UBAC2: variants seen among roughly 807,000 people sequenced by gnomAD.
UBAC2 encodes ubiquitin-associated domain-containing protein 2.
Under a neutral mutation model 44.0 loss-of-function variants are expected in UBAC2, and 26 were observed. The ratio of observed to expected loss-of-function variants is 0.59; its 90% confidence interval spans 0.43 to 0.82. The LOEUF (loss-of-function observed/expected upper bound fraction) is 0.82, where lower values mean the gene tolerates loss of function less well. UBAC2 is among the 40% of genes least tolerant of loss of function. The pLI is 0.00. For missense variants in UBAC2, 329 were observed against 419.4 expected, an observed-to-expected ratio of 0.78 and a Z score of 1.88; for synonymous variants, 155 against 154.3, an observed-to-expected ratio of 1.00 and a Z score of -0.04.
intron 1 of UBAC2, among the ~76,000 whole-genome samples, chr13:99,229,955 A>G (rs1035173337): frequency 6.6e-6 from 1 of 152,186 alleles, no homozygotes; most frequent in Non-Finnish European, 1.5e-5. Flanking sequence ...TATGGGGAGT[A>G]TCTATCTTAA....
At chr13:99,372,020 C>T (rs2045413122) in intron 8 of UBAC2, among the ~76,000 whole-genome samples, 1 of 152,206 alleles carries the variant, frequency 6.6e-6, no homozygotes, top group Non-Finnish European at 1.5e-5. Flanking sequence ...GGCACCTCTG[C>T]CAATTCATCA....
intron 2 of UBAC2, 135 bp downstream of exon 2, chr13:99,238,689 TTAAG>T: frequency 5.1e-6 from 4 of 787,992 alleles, no homozygotes; most frequent in Non-Finnish European, 7.0e-6. Flanking sequence ...TAATATTTCA[TTAAG>T]TAACTTTTCT....
intron 4 of UBAC2, among the ~76,000 whole-genome samples, chr13:99,275,177 G>C (rs920147521): frequency 6.6e-6 from 1 of 152,138 alleles, no homozygotes; most frequent in Non-Finnish European, 1.5e-5. Context: ...AGTTTAGCTG[G>C]GTGATTCTGG....
At chr13:99,329,214 T>C (rs1486604159) in intron 6 of UBAC2, among the ~76,000 whole-genome samples, 2 of 152,226 alleles carry the variant, frequency 1.3e-5, no homozygotes, top group African/African-American at 4.8e-5. Flanking sequence ...AGTCTTGCAA[T>C]CAGGCAATAT....
chr13:99,277,414 A>G (rs1447052361), intron 4 of UBAC2, among the ~76,000 whole-genome samples: 1 of 152,176 alleles, frequency 6.6e-6, no homozygotes, highest in East Asian at 1.9e-4. Context: ...AATCCCAGCT[A>G]CTAGGGAGGC....
intron 7 of UBAC2, among the ~76,000 whole-genome samples, chr13:99,350,404 C>T (rs141012985): frequency 4.6e-5 from 7 of 152,252 alleles, no homozygotes; most frequent in African/African-American, 1.7e-4. Flanking sequence ...TTCAGCCCCA[C>T]CCCCAACCTC....
chr13:99,266,407 G>C (rs1329873875), intron 4 of UBAC2, among the ~76,000 whole-genome samples: 1 of 151,994 alleles, frequency 6.6e-6, no homozygotes, highest in African/African-American at 2.4e-5. Flanking sequence ...TTAAGAAAGT[G>C]TACTAATTTG....
chr13:99,330,578 A>G (rs1160682344), intron 6 of UBAC2, among the ~76,000 whole-genome samples: 1 of 151,950 alleles, frequency 6.6e-6, no homozygotes, highest in Non-Finnish European at 1.5e-5. Context: ...AGAGTTTTCA[A>G]CATAGGTGGT....
At chr13:99,338,706 C>T (rs1173580156) in intron 6 of UBAC2, among the ~76,000 whole-genome samples, 1 of 152,226 alleles carries the variant, frequency 6.6e-6, no homozygotes, top group Non-Finnish European at 1.5e-5. Context: ...ATTCACTCTT[C>T]AGCCTACTAC....
intron 4 of UBAC2, among the ~76,000 whole-genome samples, chr13:99,293,365 G>A (rs951286759): frequency 2.0e-5 from 3 of 152,148 alleles, no homozygotes; most frequent in East Asian, 1.9e-4. Flanking sequence ...CCCAGAAGGC[G>A]TCTCTACTCC....
chr13:99,219,733 A>G (rs144959573), intron 1 of UBAC2, among the ~76,000 whole-genome samples: 21 of 152,278 alleles, frequency 1.4e-4, no homozygotes, highest in African/African-American at 4.6e-4. Flanking sequence ...CCTTCTCCCA[A>G]CTGTCCCTGA....
At chr13:99,264,458 T>A (rs1214224000) in intron 4 of UBAC2, among the ~76,000 whole-genome samples, 1 of 152,270 alleles carries the variant, frequency 6.6e-6, no homozygotes, top group African/African-American at 2.4e-5. Flanking sequence ...AAGTGCATGC[T>A]GTAGACACTA....
chr13:99,203,595 C>G (rs748066627), intron 1 of UBAC2, among the ~76,000 whole-genome samples: 1 of 152,198 alleles, frequency 6.6e-6, no homozygotes, highest in Non-Finnish European at 1.5e-5. Context: ...CCCATATCAG[C>G]CACACACTGT....
At chr13:99,255,101 C>G (rs1227225966) in intron 4 of UBAC2, 1 of 1,613,964 alleles carries the variant, frequency 6.2e-7, no homozygotes, top group African/African-American at 1.3e-5. Flanking sequence ...TCCCCCGTTC[C>G]CAGCATCAGG....
intron 4 of UBAC2, among the ~76,000 whole-genome samples, chr13:99,270,086 T>C (rs775548684): frequency 1.2e-4 from 18 of 152,214 alleles, no homozygotes; most frequent in Non-Finnish European, 2.6e-4. Context: ...GTATAGCAAT[T>C]GTGAAACTCC....
At chr13:99,288,449 T>C (rs568582943) in intron 4 of UBAC2, among the ~76,000 whole-genome samples, 5 of 152,322 alleles carry the variant, frequency 3.3e-5, no homozygotes, top group Admixed American at 2.0e-4. Context: ...GAAGGTGAAC[T>C]CTTGAAACAA....
chr13:99,343,557 C>T (rs575223172), intron 7 of UBAC2, among the ~76,000 whole-genome samples: 4 of 152,368 alleles, frequency 2.6e-5, no homozygotes, highest in East Asian at 1.9e-4. Flanking sequence ...AGGATGGTCT[C>T]ACTAACAGAT....
intron 4 of UBAC2, among the ~76,000 whole-genome samples, chr13:99,291,399 C>T (rs1472152159): frequency 6.6e-6 from 1 of 152,136 alleles, no homozygotes; most frequent in African/African-American, 2.4e-5. Flanking sequence ...ACTTGTAATC[C>T]ACATGCTTTT....
intron 3 of UBAC2, 119 bp downstream of exon 3, chr13:99,244,070 T>C (rs2043351827): frequency 1.2e-6 from 1 of 838,734 alleles, no homozygotes; most frequent in African/African-American, 1.7e-5. Context: ...AATTACACTA[T>C]TCTGTATCTG....
Sources: allele counts gnomAD v4.1 joint callset (sites outside exome capture counted in the v4.1 genomes callset), GRCh38; gene constraint gnomAD v4.1.1; transcripts MANE v1.5; gene names NCBI Gene and HGNC (gene_info 2026-07-23, HGNC 2026-07-21).